Variants in UST observed in about 807,000 individuals in gnomAD.
UST encodes the protein chondroitin sulfate 2-O-sulfotransferase.
UST carries 21 observed loss-of-function variants against 45.6 expected under a neutral mutation model. The ratio of observed to expected loss-of-function variants is 0.46; its 90% CI spans 0.33 to 0.66. UST has a LOEUF of 0.66. UST is among the 30% of genes least tolerant of loss of function. The pLI is 0.02. For synonymous variants in UST, 215 were observed against 200.6 expected, an observed-to-expected ratio of 1.07 and a Z score of -0.61; for missense variants, 463 against 512.4, an observed-to-expected ratio of 0.90 and a Z score of 0.93.
intron 1 of UST, among the ~76,000 whole-genome samples, chr6:148,805,336 G>C (rs1777127844): frequency 6.6e-6 from 1 of 152,154 alleles, no homozygotes; most frequent in Non-Finnish European, 1.5e-5. Context: ...ATTTGAAAAA[G>C]AATAGGAAAT....
chr6:149,042,610 C>T (rs550138933), intron 7 of UST, among the ~76,000 whole-genome samples: 1 of 152,170 alleles, frequency 6.6e-6, no homozygotes, highest in Non-Finnish European at 1.5e-5. Flanking sequence ...GATGTCCAGG[C>T]GTGGCCTGTG....
chr6:148,931,974 A>G (rs1011460686), intron 2 of UST, among the ~76,000 whole-genome samples: 3 of 152,172 alleles, frequency 2.0e-5, no homozygotes, highest in Admixed American at 6.5e-5. Flanking sequence ...GCACTCTCCC[A>G]TTGTGCTTAC....
chr6:148,760,390 C>G (rs1396176014), intron 1 of UST, among the ~76,000 whole-genome samples: 1 of 152,214 alleles, frequency 6.6e-6, no homozygotes, highest in African/African-American at 2.4e-5. Context: ...TCACTGTGGG[C>G]AGCTCCAGTG....
rs184806194 is a variant in UST at position 148,928,796 on chromosome 6, A to G, written c.292-12483A>G. 1.2e-4 allele frequency among the ~76,000 whole-genome samples: 18 copies of G among 152,390 alleles called. No homozygotes were observed. In the East Asian group the frequency reaches 3.1e-3, roughly 26 times the overall value. On this transcript the variant is annotated intron_variant, in intron 2 of 7. Coordinates refer to ENST00000367463, the MANE Select transcript of UST (RefSeq NM_005715.3). ...AGAGCAATTTAAATGTCTTATTGCC[A>G]TCTCTAGCTAAAAATACCTTATGAT...
At chr6:148,787,738 C>T (rs985123812) in intron 1 of UST, among the ~76,000 whole-genome samples, 4 of 152,054 alleles carry the variant, frequency 2.6e-5, no homozygotes, top group Non-Finnish European at 4.4e-5. Context: ...ATGTCAATGG[C>T]AGTTTAATGG....
At chr6:148,986,473 G>A (rs923692166) in intron 5 of UST, among the ~76,000 whole-genome samples, 14 of 152,264 alleles carry the variant, frequency 9.2e-5, no homozygotes, top group Admixed American at 2.0e-4. Flanking sequence ...TAGGAATTGC[G>A]CTAGTCAGTT....
chr6:148,930,133 A>G (rs541570549), intron 2 of UST, among the ~76,000 whole-genome samples: 62 of 152,248 alleles, frequency 4.1e-4, no homozygotes, highest in African/African-American at 1.5e-3. Context: ...TCTCAAGGCC[A>G]AGTTGATCAC....
intron 5 of UST, among the ~76,000 whole-genome samples, chr6:148,984,301 G>A (rs1479712694): frequency 2.6e-5 from 4 of 152,130 alleles, no homozygotes; most frequent in Non-Finnish European, 5.9e-5. Context: ...ACAAGTATTG[G>A]GAGAGATGAT....
intron 2 of UST, among the ~76,000 whole-genome samples, chr6:148,889,655 T>C (rs62426104): frequency 0.21 from 31,679 of 152,168 alleles, 3,747 homozygotes; most frequent in South Asian, 0.31. Flanking sequence ...CAGGATTTTA[T>C]CTGGTCTGAA....
At chr6:148,915,304 C>G (rs1035720923) in intron 2 of UST, among the ~76,000 whole-genome samples, 1 of 152,146 alleles carries the variant, frequency 6.6e-6, no homozygotes, top group African/African-American at 2.4e-5. Context: ...GTATGACATC[C>G]CCACAGTCAT....
intron 5 of UST, among the ~76,000 whole-genome samples, chr6:148,997,816 C>A (rs548696216): frequency 6.6e-6 from 1 of 152,244 alleles, no homozygotes; most frequent in South Asian, 2.1e-4. Context: ...ACCGAAGTTC[C>A]CTGTTAATTT....
intron 2 of UST, among the ~76,000 whole-genome samples, chr6:148,907,850 A>G (rs182921492): frequency 2.6e-4 from 39 of 147,538 alleles, no homozygotes; most frequent in African/African-American, 8.8e-4. Flanking sequence ...ATTTTTATAG[A>G]TATTATTTTA....
intron 7 of UST, among the ~76,000 whole-genome samples, chr6:149,049,921 T>TCACACACACACACACACA (rs1392198421): frequency 9.9e-6 from 1 of 101,366 alleles, no homozygotes; most frequent in African/African-American, 4.3e-5. Context: ...TCTCTCTCTC[T>TCACACACACACACACACA]CTCTCTCTCT....
chr6:149,010,953 A>G (rs1381014634), intron 5 of UST, among the ~76,000 whole-genome samples: 1 of 147,576 alleles, frequency 6.8e-6, no homozygotes, highest in African/African-American at 2.5e-5. Context: ...GTTCAATGCA[A>G]TAGAAACTGG....
chr6:148,966,189 A>C (rs1582931227), intron 5 of UST, among the ~76,000 whole-genome samples: 1 of 151,506 alleles, frequency 6.6e-6, no homozygotes, highest in Admixed American at 6.6e-5. Context: ...GTGCTACTGC[A>C]CTCCAGCCTA....
chr6:148,795,032 T>G (rs1280780500), intron 1 of UST, among the ~76,000 whole-genome samples: 1 of 152,218 alleles, frequency 6.6e-6, no homozygotes, highest in African/African-American at 2.4e-5. Flanking sequence ...ATTAAAGGGC[T>G]CTGTTGTTGA....
At chr6:148,770,366 A>AAGGCAAGCC in intron 1 of UST, among the ~76,000 whole-genome samples, 1 of 150,392 alleles carries the variant, frequency 6.6e-6, no homozygotes, top group South Asian at 2.1e-4. Flanking sequence ...AGCACGTGCA[A>AAGGCAAGCC]AGGCAAGCCA....
chr6:149,043,917 C>G (rs1776362235), intron 7 of UST, among the ~76,000 whole-genome samples: 1 of 152,222 alleles, frequency 6.6e-6, no homozygotes, highest in South Asian at 2.1e-4. Flanking sequence ...CAGTGGCCAT[C>G]ACAAAAGACC....
At chr6:148,855,268 C>T (rs1778181810) in intron 1 of UST, among the ~76,000 whole-genome samples, 1 of 152,174 alleles carries the variant, frequency 6.6e-6, no homozygotes, top group African/African-American at 2.4e-5. Context: ...ACCCAGTGTG[C>T]TTCAAACAGT....
Sources: allele counts gnomAD v4.1 joint callset (sites outside exome capture counted in the v4.1 genomes callset), GRCh38; gene constraint gnomAD v4.1.1; transcripts MANE v1.5; gene names NCBI Gene and HGNC (gene_info 2026-07-23, HGNC 2026-07-21).